Variants in RBFOX1 observed in about 807,000 individuals in gnomAD.
RBFOX1 encodes the protein RNA binding fox-1 homolog 1, also known as RNA binding protein fox-1 homolog 1.
A neutral mutation model predicts 57.7 loss-of-function variants in RBFOX1; 8 were observed. The observed-to-expected ratio is 0.14, with a 90% CI of 0.08 to 0.25. RBFOX1 has a LOEUF of 0.25. Among genes scored for constraint, RBFOX1 ranks in the 10% least tolerant of loss-of-function variants. The probability of loss-of-function intolerance (pLI) is 1.00; values close to 1 mark genes in which losing one functional copy is unlikely to be tolerated. For missense variants in RBFOX1, 611 were observed against 548.5 expected (o/e 1.11, Z -1.14); for synonymous variants, 326 against 222.4 (o/e 1.47, Z -4.15).
At chr16:6,747,545 G>A (rs991955903) in intron 3 of RBFOX1, among the ~76,000 whole-genome samples, 1 of 152,202 alleles carries the variant, frequency 6.6e-6, no homozygotes, top group African/African-American at 2.4e-5. Context: ...GCCTGTTGGG[G>A]CAGTATTCAC....
chr16:6,231,452 G>A (rs948136990), intron 1 of RBFOX1, among the ~76,000 whole-genome samples: 14 of 152,160 alleles, frequency 9.2e-5, no homozygotes, highest in Admixed American at 4.6e-4. Flanking sequence ...TAAAGATAAG[G>A]ATAGGGAGCC....
At chr16:7,119,599 C>G (rs1299344972) in intron 4 of RBFOX1, among the ~76,000 whole-genome samples, 2 of 151,874 alleles carry the variant, frequency 1.3e-5, no homozygotes, top group Admixed American at 6.6e-5. Flanking sequence ...CAAAAAACCA[C>G]CCAGACATAC....
chr16:7,271,945 G>C (rs1014739558), intron 4 of RBFOX1, among the ~76,000 whole-genome samples: 2 of 152,108 alleles, frequency 1.3e-5, no homozygotes, highest in Admixed American at 1.3e-4. Context: ...CCTCAGGCTT[G>C]CTTTTCTGTG....
chr16:5,835,531 C>T (rs751243240), intron 3 of RBFOX1, among the ~76,000 whole-genome samples: 2 of 152,270 alleles, frequency 1.3e-5, no homozygotes, highest in African/African-American at 2.4e-5. Context: ...ATTCCCAGGA[C>T]CCTCTTGGAT....
At chr16:5,530,479 C>G (rs565405493) in intron 2 of RBFOX1, among the ~76,000 whole-genome samples, 4 of 152,186 alleles carry the variant, frequency 2.6e-5, no homozygotes, top group African/African-American at 4.8e-5. Context: ...CATTTCACCT[C>G]TACCCTATAA....
At position 7,534,738 on chromosome 16, in the gene RBFOX1, A is replaced by G. The variant is rs947144764; in HGVS notation, c.270+16349A>G. ...GTAAGGGTTCCTAGGATAGGAGACT[A>G]TCCACTCGTAGCAGAAGAAAATCCT... On this transcript the variant is annotated intron_variant, in intron 5 of 15. Coordinates refer to ENST00000550418, the MANE Select transcript of RBFOX1 (RefSeq NM_018723.4). 4.6e-5 allele frequency among the ~76,000 whole-genome samples: 7 copies of G among 152,042 alleles called. No homozygotes were observed. In the East Asian group the frequency reaches 5.8e-4, roughly 13 times the overall value.
chr16:5,764,159 G>C (rs2053690973), intron 3 of RBFOX1, among the ~76,000 whole-genome samples: 1 of 152,156 alleles, frequency 6.6e-6, no homozygotes, highest in Non-Finnish European at 1.5e-5. Context: ...GGTGTGGGTA[G>C]GATGATTGCA....
intron 4 of RBFOX1, among the ~76,000 whole-genome samples, chr16:7,286,391 G>A (rs2095651193): frequency 6.6e-6 from 1 of 151,008 alleles, no homozygotes; most frequent in Admixed American, 6.6e-5. Flanking sequence ...CCTATCTTGT[G>A]AAAATGCTCA....
chr16:5,921,878 G>A (rs181056532), intron 4 of RBFOX1, among the ~76,000 whole-genome samples: 1 of 152,026 alleles, frequency 6.6e-6, no homozygotes, highest in Admixed American at 6.6e-5. Flanking sequence ...TAGGCCAGGT[G>A]TGGTGGCTTA....
intron 2 of RBFOX1, among the ~76,000 whole-genome samples, chr16:6,531,334 C>T (rs17140537): frequency 0.042 from 6,319 of 152,236 alleles, 427 homozygotes; most frequent in African/African-American, 0.14. Context: ...CTTCACTTAG[C>T]ATGGACTCAT....
At chr16:7,344,720 G>A (rs2096961933) in intron 4 of RBFOX1, among the ~76,000 whole-genome samples, 1 of 152,156 alleles carries the variant, frequency 6.6e-6, no homozygotes, top group Non-Finnish European at 1.5e-5. Flanking sequence ...TCAGCAAAGT[G>A]GAACAATTTG....
At chr16:7,562,944 C>A (rs936202633) in intron 5 of RBFOX1, among the ~76,000 whole-genome samples, 1 of 152,136 alleles carries the variant, frequency 6.6e-6, no homozygotes, top group African/African-American at 2.4e-5. Flanking sequence ...CCAAGTGCCC[C>A]GAGAGCTGTT....
chr16:6,317,617 G>A (rs1331250002), intron 2 of RBFOX1, among the ~76,000 whole-genome samples: 4 of 152,106 alleles, frequency 2.6e-5, no homozygotes, highest in African/African-American at 7.2e-5. Context: ...CAGCAAGTAA[G>A]CATTTTTCCA....
At chr16:6,030,486 C>T (rs1035008175) in intron 1 of RBFOX1, among the ~76,000 whole-genome samples, 1 of 152,146 alleles carries the variant, frequency 6.6e-6, no homozygotes, top group African/African-American at 2.4e-5. Flanking sequence ...TTTCTCTACC[C>T]TTCCATTTTA....
At chr16:5,335,836 A>G (rs113401144) in intron 1 of RBFOX1, among the ~76,000 whole-genome samples, 1 of 152,142 alleles carries the variant, frequency 6.6e-6, no homozygotes, top group Non-Finnish European at 1.5e-5. Flanking sequence ...GGATCCTATC[A>G]AAAGATGTTC....
intron 2 of RBFOX1, among the ~76,000 whole-genome samples, chr16:6,398,262 C>A (rs1400247089): frequency 2.0e-5 from 3 of 152,170 alleles, no homozygotes; most frequent in East Asian, 1.9e-4. Flanking sequence ...ATGGGAACTA[C>A]AACTCGAGAT....
At chr16:5,373,635 C>G (rs1163051693) in intron 1 of RBFOX1, among the ~76,000 whole-genome samples, 3 of 151,792 alleles carry the variant, frequency 2.0e-5, no homozygotes, top group Admixed American at 6.6e-5. Flanking sequence ...GATGGAATCT[C>G]TCTCTGTCAC....
At chr16:6,559,481 C>T (rs1258365789) in intron 2 of RBFOX1, among the ~76,000 whole-genome samples, 1 of 151,956 alleles carries the variant, frequency 6.6e-6, no homozygotes, top group Non-Finnish European at 1.5e-5. Flanking sequence ...TTATCCTGAA[C>T]TATGCATTTT....
At chr16:5,290,268 A>G (rs1247491646) in intron 1 of RBFOX1, among the ~76,000 whole-genome samples, 1 of 152,214 alleles carries the variant, frequency 6.6e-6, no homozygotes, top group Non-Finnish European at 1.5e-5. Flanking sequence ...AGGCTGAGGC[A>G]GGAGAATTGC....
Sources: allele counts gnomAD v4.1 joint callset (sites outside exome capture counted in the v4.1 genomes callset), GRCh38; gene constraint gnomAD v4.1.1; transcripts MANE v1.5; gene names NCBI Gene and HGNC (gene_info 2026-07-23, HGNC 2026-07-21).